The following KIF13A variants were observed in gnomAD, a reference collection of about 807,000 sequenced individuals.
KIF13A encodes kinesin family member 13A.
In KIF13A, 79 loss-of-function variants were observed where a neutral mutation model predicts 212.2. That is an observed-to-expected ratio of 0.37 (90% confidence interval 0.31 to 0.45). The LOEUF (loss-of-function observed/expected upper bound fraction) is 0.45. Among genes scored for constraint, KIF13A ranks in the 20% least tolerant of loss-of-function variants. KIF13A has a pLI of 1.00. For missense variants in KIF13A, 1,901 were observed against 2,209.0 expected, an observed-to-expected ratio of 0.86 and a Z score of 2.79; for synonymous variants, 789 against 808.6, an observed-to-expected ratio of 0.98 and a Z score of 0.41.
At chr6:17,767,307 T>C (rs1325102834) in intron 38 of KIF13A, among the ~76,000 whole-genome samples, 2 of 151,424 alleles carry the variant, frequency 1.3e-5, no homozygotes, top group East Asian at 3.9e-4. Context: ...CAGGCTGGAG[T>C]GCAATGGCGC....
intron 9 of KIF13A, among the ~76,000 whole-genome samples, chr6:17,846,935 T>G (rs1427926702): frequency 6.6e-6 from 1 of 152,198 alleles, no homozygotes; most frequent in African/African-American, 2.4e-5. Flanking sequence ...AATCCACACT[T>G]AGAACTTGGT....
At position 17,982,047 on chromosome 6, in the gene KIF13A, G is replaced by A. The variant is rs923212064; in HGVS notation, c.146+5007C>T. On this transcript the variant is annotated intron_variant, in intron 2 of 38. Coordinates refer to ENST00000259711, the MANE Select transcript of KIF13A (RefSeq NM_022113.6). This position sits in a 1 kb window ranked among gnomAD's most constrained non-coding sequence, Gnocchi z 5.1. Reference sequence around the variant, plus strand: ...TGGGACCAGAAGTGTTTTGGATTTTGAATTTTTCTTGAATTTGGAATATAT... The same window carrying A: ...TGGGACCAGAAGTGTTTTGGATTTTAAATTTTTCTTGAATTTGGAATATAT... Among the ~76,000 whole-genome samples, 3 of 151,662 alleles carry A rather than the reference G, an allele frequency of 2.0e-5. No homozygotes were observed. Among genetic ancestry groups the A allele is most frequent in the Non-Finnish European group, 4.4e-5 (3 of 67,954 alleles).
intron 4 of KIF13A, among the ~76,000 whole-genome samples, chr6:17,863,065 C>T (rs1265682994): frequency 6.6e-6 from 1 of 152,154 alleles, no homozygotes; most frequent in Non-Finnish European, 1.5e-5. Flanking sequence ...CCACTGCACT[C>T]CAGCCTGAAC....
At chr6:17,851,473 G>C (rs1440923801) in intron 7 of KIF13A, among the ~76,000 whole-genome samples, 2 of 152,198 alleles carry the variant, frequency 1.3e-5, no homozygotes, top group African/African-American at 4.8e-5. Context: ...AGAATCTTGA[G>C]TCAGATCTTA....
At chr6:17,881,073 G>A (rs570543776) in intron 3 of KIF13A, among the ~76,000 whole-genome samples, 5 of 152,252 alleles carry the variant, frequency 3.3e-5, no homozygotes, top group South Asian at 4.1e-4. Flanking sequence ...TTTTGTAGTC[G>A]TTTTTGAAAT....
At chr6:17,924,948 CA>C (rs1464615411) in intron 2 of KIF13A, among the ~76,000 whole-genome samples, 1 of 152,150 alleles carries the variant, frequency 6.6e-6, no homozygotes, top group African/African-American at 2.4e-5. Context: ...ATATGATGGG[CA>C]ATATCTAAAA....
rs993121980 is a variant in KIF13A at position 17,843,192 on chromosome 6, T to A, written c.831-5609A>T. The stretch of plus-strand genomic sequence containing the variant: ...TTTATGACTGAAAGCACTCAGTAAA[T>A]ATCTGCAGCGTTAATCTGAATCTAG... On this transcript the variant is annotated intron_variant, in intron 9 of 38. Transcript: ENST00000259711. This position sits in a 1 kb window ranked among gnomAD's most constrained non-coding sequence, Gnocchi z 5.3. 6.6e-6 allele frequency among the ~76,000 whole-genome samples: 1 copy of A among 152,138 alleles called. No individual in the cohort carries two copies. Among genetic ancestry groups the A allele is most frequent in the Non-Finnish European group, 1.5e-5 (1 of 68,020 alleles).
rs930266174 is a variant in KIF13A at position 17,947,965 on chromosome 6, A to G, written c.146+39089T>C. On this transcript the variant is annotated intron_variant, in intron 2 of 38. Transcript: ENST00000259711. This position sits in a 1 kb window ranked among gnomAD's most constrained non-coding sequence, Gnocchi z 4.6. Reference sequence around the variant, plus strand: ...CACAAATATTTGATAAGGCAAATGCAGCAAAGCTTTAAAATGTGTAAGTCT... The same window carrying G: ...CACAAATATTTGATAAGGCAAATGCGGCAAAGCTTTAAAATGTGTAAGTCT... Among the ~76,000 whole-genome samples the G allele has an allele frequency of 3.3e-5, 5 of 152,270 alleles. No homozygotes were observed. The highest frequency in any genetic ancestry group is 1.2e-4 in the African/African-American group (5 of 41,472).
rs1206895453 is a variant in KIF13A at position 17,799,298 on chromosome 6, C to T, written c.2758G>A (p.Ala920Thr). The stretch of plus-strand genomic sequence containing the variant: ...TGGGAGAAGGTCACTGTGTACTGGG[C>T]ATCCTTGGACTGTGGTGAAGGCACC... ...PEVPSPQSKD[A>T]QYTVTFSHCK... Residue 920 changes from alanine to threonine, a missense_variant, in exon 22 of 39, where the codon GCC becomes ACC. Ala to Thr is a moderately conservative substitution (Grantham distance 58, BLOSUM62 0). Transcript: ENST00000259711. This position sits in a 1 kb window ranked among gnomAD's most constrained non-coding sequence, Gnocchi z 4.4. 9 of 1,610,224 alleles carry T rather than the reference C, an allele frequency of 5.6e-6. No individual in the cohort carries two copies. In the Admixed American group the frequency reaches 8.4e-5, roughly 15 times the overall value.
At chr6:17,940,855 T>C (rs1462927657) in intron 2 of KIF13A, among the ~76,000 whole-genome samples, 1 of 151,036 alleles carries the variant, frequency 6.6e-6, no homozygotes, top group Non-Finnish European at 1.5e-5. Flanking sequence ...AGACAGAATT[T>C]GGCTCTGTTG....
rs879518247 is a variant in KIF13A, at chr6:17,892,548, C to T, written c.159+5620G>A. Among the ~76,000 whole-genome samples the T allele has an allele frequency of 3.9e-5, 6 of 152,104 alleles. No homozygotes were observed. The highest frequency in any genetic ancestry group is 6.5e-5 in the Admixed American group (1 of 15,268). ...TAATGAGATGACTGGTGGCTGGGGT[C>T]CCCAGGTGGCTTCAAGATAGGGCTG... On this transcript the variant is annotated intron_variant, in intron 3 of 38. Transcript: ENST00000259711. This position sits in a 1 kb window ranked among gnomAD's most constrained non-coding sequence, Gnocchi z 4.7.
Position 17,855,141 on chromosome 6 carries a change from G to A in KIF13A, c.494+296C>T, listed in dbSNP as rs1007182663. On this transcript the variant is annotated intron_variant, in intron 6 of 38. Coordinates refer to ENST00000259711, the MANE Select transcript of KIF13A (RefSeq NM_022113.6). The surrounding 1 kb of genome is among the most constrained non-coding windows in gnomAD (Gnocchi z 4.1). ...GTGCCACTTTCCAATGTAAATGGAA[G>A]AACTAATGTGTTATTCCTAACTCAA... Among the ~76,000 whole-genome samples the A allele has an allele frequency of 3.1e-4, 47 of 151,974 alleles. No individual in the cohort carries two copies. The highest frequency in any genetic ancestry group is 1.0e-3 in the African/African-American group (43 of 41,374).
rs184381054 is a variant in KIF13A, at chr6:17,901,260, A to C, written c.147-3080T>G. Among the ~76,000 whole-genome samples, 7 of 152,194 alleles carry C rather than the reference A, an allele frequency of 4.6e-5. No homozygotes were observed. The East Asian group carries it at 1.4e-3, about 29-fold the overall frequency. On this transcript the variant is annotated intron_variant, in intron 2 of 38. Coordinates refer to ENST00000259711, the MANE Select transcript of KIF13A (RefSeq NM_022113.6). The stretch of plus-strand genomic sequence containing the variant: ...CCTTCTTTGGTAGTTGTGAAGAAAA[A>C]TGTTTCCAGTATCAGTAATACTGAC...
chr6:17,915,488 T>A lies in KIF13A; in HGVS notation c.147-17308A>T, dbSNP rs1404350433. On this transcript the variant is annotated intron_variant, in intron 2 of 38. Coordinates refer to ENST00000259711, the MANE Select transcript of KIF13A (RefSeq NM_022113.6). This position sits in a 1 kb window ranked among gnomAD's most constrained non-coding sequence, Gnocchi z 4.4. The stretch of plus-strand genomic sequence containing the variant: ...ACAAACTTCTTTTCTCCATCTTCCA[T>A]AGAAGCAGCTGTCATTGCTGATGCC... Among the ~76,000 whole-genome samples, 1 of 152,180 alleles carries A rather than the reference T, an allele frequency of 6.6e-6. No homozygotes were observed. The highest frequency in any genetic ancestry group is 1.9e-4 in the East Asian group (1 of 5,202).
chr6:17,855,688 G>T lies in KIF13A; in HGVS notation c.314-71C>A. 1 of 1,248,084 alleles carries T rather than the reference G, an allele frequency of 8.0e-7. No homozygotes were observed. The highest frequency in any genetic ancestry group is 1.1e-6 in the Non-Finnish European group (1 of 902,696). The allele number at this position is 1,248,084 out of a possible 1,614,324, so 77.3% of individuals were successfully genotyped here. ...AAATGCAATGCTTCAACCATACAAG[G>T]TTTCCCCATATACTGGCCATGGTAA... On this transcript the variant is annotated intron_variant, in intron 5 of 38. Transcript: ENST00000259711. This position sits in a 1 kb window ranked among gnomAD's most constrained non-coding sequence, Gnocchi z 4.1.
chr6:17,858,620 C>T (rs1378539797), intron 4 of KIF13A, among the ~76,000 whole-genome samples: 1 of 152,136 alleles, frequency 6.6e-6, no homozygotes, highest in Non-Finnish European at 1.5e-5. Context: ...GAGCCAAGGC[C>T]TATATCAGAG....
At chr6:17,940,053 A>C (rs1776823494) in intron 2 of KIF13A, among the ~76,000 whole-genome samples, 1 of 151,060 alleles carries the variant, frequency 6.6e-6, no homozygotes, top group South Asian at 2.1e-4. Context: ...TAAATTAAAA[A>C]AAAAAAAAAA....
At position 17,895,652 on chromosome 6, in the gene KIF13A, A is replaced by T. The variant is rs1460423477; in HGVS notation, c.159+2516T>A. ...TGAACTCCAGTACTTTGTCCTCCTC[A>T]GCCCCACAAAGCAGTCAGCAATATG... On this transcript the variant is annotated intron_variant, in intron 3 of 38. Coordinates refer to ENST00000259711, the MANE Select transcript of KIF13A (RefSeq NM_022113.6). This position sits in a 1 kb window ranked among gnomAD's most constrained non-coding sequence, Gnocchi z 4.4. Among the ~76,000 whole-genome samples, 1 of 152,204 alleles carries T rather than the reference A, an allele frequency of 6.6e-6. No homozygotes were observed. The highest frequency in any genetic ancestry group is 1.5e-5 in the Non-Finnish European group (1 of 68,028).
chr6:17,925,940 CA>C (rs1336250862), intron 2 of KIF13A, among the ~76,000 whole-genome samples: 1 of 152,116 alleles, frequency 6.6e-6, no homozygotes, highest in Non-Finnish European at 1.5e-5. Context: ...TAAATAGCTA[CA>C]ATTACTAAAT....
Sources: allele counts gnomAD v4.1 joint callset (sites outside exome capture counted in the v4.1 genomes callset), GRCh38; gene constraint gnomAD v4.1.1; non-coding constraint Gnocchi (gnomAD v3.1); transcripts MANE v1.5; gene names NCBI Gene and HGNC (gene_info 2026-07-23, HGNC 2026-07-21).